The following SYN3 variants were observed in gnomAD, a reference collection of about 807,000 sequenced individuals.
The protein encoded by SYN3 is synapsin-3.
A neutral mutation model predicts 65.8 loss-of-function variants in SYN3; 35 were observed. The observed-to-expected ratio is 0.53, with a 90% CI of 0.41 to 0.70. SYN3 has a LOEUF of 0.70. SYN3 is among the 30% of genes least tolerant of loss of function. SYN3 has a pLI of 0.00. For synonymous variants in SYN3, 270 were observed against 292.9 expected (o/e 0.92, Z 0.80); for missense variants, 680 against 749.0 (o/e 0.91, Z 1.08).
chr22:32,795,259 A>G (rs1378342054), intron 6 of SYN3, among the ~76,000 whole-genome samples: 1 of 152,316 alleles, frequency 6.6e-6, no homozygotes, highest in East Asian at 1.9e-4. Context: ...ATAGAGAAAG[A>G]CTCTGGGGAG....
In SYN3 at chr22:32,956,041, CATATAT is replaced by C. The variant is rs5845054; in HGVS notation, c.370-24566_370-24561del. Among the ~76,000 whole-genome samples the C allele has an allele frequency of 2.3e-4, 30 of 130,676 alleles. 1 individual carries two copies. Among genetic ancestry groups the C allele is most frequent in the South Asian group, 1.1e-3 (5 of 4,410 alleles). The allele number at this position is 130,676 out of a possible 152,430, so 85.7% of individuals were successfully genotyped here. ...GAGTTAATACTACTTAATAAATTCA[CATATAT>C]ATATATATATATATAAAATCTCCTA... On this transcript the variant is annotated intron_variant, in intron 3 of 13. Coordinates refer to ENST00000358763, the MANE Select transcript of SYN3 (RefSeq NM_003490.4).
At chr22:32,614,909 C>T (rs1361384405) in intron 6 of SYN3, among the ~76,000 whole-genome samples, 1 of 151,978 alleles carries the variant, frequency 6.6e-6, no homozygotes, top group Non-Finnish European at 1.5e-5. Context: ...CTGTGCTGGC[C>T]CCATGGAAAC....
At chr22:32,929,778 C>A (rs868281086) in intron 4 of SYN3, among the ~76,000 whole-genome samples, 1 of 152,104 alleles carries the variant, frequency 6.6e-6, no homozygotes, top group Non-Finnish European at 1.5e-5. Context: ...GTGAGTGGCC[C>A]TGAGTGTTGA....
chr22:32,855,365 A>G (rs1346827638), intron 6 of SYN3, among the ~76,000 whole-genome samples: 1 of 152,214 alleles, frequency 6.6e-6, no homozygotes, highest in Non-Finnish European at 1.5e-5. Flanking sequence ...CACAGTGGCC[A>G]TAAATGGAAA....
chr22:32,692,046 T>C (rs1482316386), intron 6 of SYN3, among the ~76,000 whole-genome samples: 1 of 150,566 alleles, frequency 6.6e-6, no homozygotes, highest in East Asian at 2.0e-4. Context: ...ACTGGGGTAA[T>C]TGGTAGCCTT....
intron 6 of SYN3, among the ~76,000 whole-genome samples, chr22:32,818,079 A>G (rs1389423820): frequency 6.6e-6 from 1 of 152,262 alleles, no homozygotes; most frequent in Admixed American, 6.5e-5. Flanking sequence ...CACTGAGTCA[A>G]TAATGGTGTT....
intron 3 of SYN3, among the ~76,000 whole-genome samples, chr22:32,966,561 C>A (rs1206529599): frequency 6.6e-6 from 1 of 152,128 alleles, no homozygotes; most frequent in South Asian, 2.1e-4. Context: ...GTGACCAAGC[C>A]TTCCCTGGAT....
intron 6 of SYN3, among the ~76,000 whole-genome samples, chr22:32,627,360 C>T (rs2059682765): frequency 6.6e-6 from 1 of 152,082 alleles, no homozygotes; most frequent in South Asian, 2.1e-4. Flanking sequence ...ATAGTGTGTA[C>T]GTATGCTGCA....
chr22:33,025,203 TC>T (rs1398312267), intron 1 of SYN3, among the ~76,000 whole-genome samples: 1 of 151,954 alleles, frequency 6.6e-6, no homozygotes, highest in Non-Finnish European at 1.5e-5. Context: ...ACGCCTGTAA[TC>T]CCAGCACTTT....
At chr22:32,578,121 A>G (rs2058879287) in intron 7 of SYN3, among the ~76,000 whole-genome samples, 1 of 152,228 alleles carries the variant, frequency 6.6e-6, no homozygotes, top group Non-Finnish European at 1.5e-5. Flanking sequence ...ACACGAATGA[A>G]TGAAGATGAT....
chr22:32,721,704 T>G (rs1379013164), intron 6 of SYN3, among the ~76,000 whole-genome samples: 1 of 152,234 alleles, frequency 6.6e-6, no homozygotes, highest in Non-Finnish European at 1.5e-5. Context: ...CATGCACTTT[T>G]CTCAGCCTTC....
chr22:32,569,510 C>A (rs2058723636), intron 7 of SYN3, among the ~76,000 whole-genome samples: 1 of 149,544 alleles, frequency 6.7e-6, no homozygotes, highest in Admixed American at 6.7e-5. Flanking sequence ...AATGTATCAT[C>A]TATCTATATC....
intron 1 of SYN3, among the ~76,000 whole-genome samples, chr22:33,030,678 C>G (rs1030493519): frequency 9.1e-5 from 13 of 142,672 alleles, no homozygotes; most frequent in African/African-American, 3.4e-4. Flanking sequence ...GAGAGAGATA[C>G]AGAGAGAGAC....
chr22:32,902,861 C>T (rs1313468405), intron 4 of SYN3, among the ~76,000 whole-genome samples: 1 of 131,670 alleles, frequency 7.6e-6, no homozygotes, highest in African/African-American at 3.0e-5. Context: ...TTAAGCATAA[C>T]CCCTGGAGAC....
intron 4 of SYN3, among the ~76,000 whole-genome samples, chr22:32,876,322 T>C (rs939105439): frequency 6.6e-6 from 1 of 152,138 alleles, no homozygotes; most frequent in African/African-American, 2.4e-5. Flanking sequence ...CTAATCGCAT[T>C]GGGCGTTAGG....
At chr22:32,520,928 C>T (rs1269715328) in intron 12 of SYN3, among the ~76,000 whole-genome samples, 2 of 152,184 alleles carry the variant, frequency 1.3e-5, no homozygotes, top group Non-Finnish European at 2.9e-5. Flanking sequence ...TTGGACTGAA[C>T]ATCAAACATC....
At chr22:32,849,560 C>T (rs540165802) in intron 6 of SYN3, 47 of 1,605,762 alleles carry the variant, frequency 2.9e-5, no homozygotes, top group East Asian at 6.8e-5. Context: ...ACCCTGGCTC[C>T]GGGAAGGTTT....
chr22:32,520,848 C>A (rs143741682), intron 12 of SYN3, among the ~76,000 whole-genome samples: 1 of 152,314 alleles, frequency 6.6e-6, no homozygotes, highest in East Asian at 1.9e-4. Flanking sequence ...GCCATTAACT[C>A]GCTGTGTGAC....
chr22:32,575,942 C>T (rs2058844886), intron 7 of SYN3, among the ~76,000 whole-genome samples: 1 of 152,062 alleles, frequency 6.6e-6, no homozygotes, highest in Non-Finnish European at 1.5e-5. Flanking sequence ...CACAATTTCC[C>T]TCACAGAACA....
Sources: gnomAD v4.1 joint callset for allele counts (sites outside exome capture counted in the v4.1 genomes callset) on GRCh38, gnomAD v4.1.1 for gene constraint, MANE v1.5 for transcripts, NCBI Gene and HGNC (gene_info 2026-07-23, HGNC 2026-07-21) for gene names.